CREB3L2: variants seen among roughly 807,000 people sequenced by gnomAD.
CREB3L2 encodes cyclic AMP-responsive element-binding protein 3-like protein 2.
In CREB3L2, 23 loss-of-function variants were observed where a neutral mutation model predicts 57.2. That is an observed-to-expected ratio of 0.40 (90% CI 0.29 to 0.57). The LOEUF (loss-of-function observed/expected upper bound fraction) is 0.57. CREB3L2 is among the 20% of genes least tolerant of loss of function. The pLI, the probability that CREB3L2 is intolerant of heterozygous loss-of-function variation, is 0.42. For synonymous variants in CREB3L2, 268 were observed against 265.1 expected (o/e 1.01, Z -0.11); for missense variants, 628 against 634.7 (o/e 0.99, Z 0.11).
chr7:137,971,851 T>G (rs1229444631), intron 1 of CREB3L2, among the ~76,000 whole-genome samples: 1 of 151,732 alleles, frequency 6.6e-6, no homozygotes, highest in Non-Finnish European at 1.5e-5. Flanking sequence ...ATACACTCAA[T>G]GAACAATACA....
intron 1 of CREB3L2, among the ~76,000 whole-genome samples, chr7:137,999,488 T>C (rs1802041908): frequency 6.6e-6 from 1 of 152,134 alleles, no homozygotes; most frequent in South Asian, 2.1e-4. Flanking sequence ...GTGCTTTATA[T>C]ATTCCACAAA....
chr7:137,967,229 G>A (rs1405715864), intron 1 of CREB3L2, among the ~76,000 whole-genome samples: 1 of 152,210 alleles, frequency 6.6e-6, no homozygotes, highest in Non-Finnish European at 1.5e-5. Flanking sequence ...AGAGCTGTAA[G>A]AAATAAACGT....
chr7:137,922,623 C>T, intron 2 of CREB3L2: 1 of 446,830 alleles, frequency 2.2e-6, no homozygotes, highest in Non-Finnish European at 4.5e-6. Flanking sequence ...GGTCCTTGAA[C>T]AACACGGGTT....
chr7:137,910,421 G>A (rs548638373), intron 4 of CREB3L2, among the ~76,000 whole-genome samples: 5 of 151,938 alleles, frequency 3.3e-5, no homozygotes, highest in South Asian at 2.1e-4. Flanking sequence ...AATCCTAATC[G>A]CGCTATTCCC....
At chr7:137,883,972 T>A (rs1372425507) in intron 10 of CREB3L2, among the ~76,000 whole-genome samples, 2 of 146,470 alleles carry the variant, frequency 1.4e-5, no homozygotes, top group African/African-American at 4.8e-5. Flanking sequence ...ATTCTCTAGA[T>A]CTTGGGCATA....
At chr7:137,922,473 C>CAA (rs1800348753) in intron 2 of CREB3L2, 1 of 145,250 alleles carries the variant, frequency 6.9e-6, no homozygotes, top group African/African-American at 3.7e-5. Context: ...TATATATACA[C>CAA]ACATATATAT....
chr7:137,906,277 C>A (rs965293951), intron 5 of CREB3L2, among the ~76,000 whole-genome samples: 2 of 152,164 alleles, frequency 1.3e-5, no homozygotes, highest in Non-Finnish European at 2.9e-5. Flanking sequence ...GTGCTCTCTA[C>A]ACAACAGGAG....
chr7:137,955,030 C>T (rs1056607814), intron 1 of CREB3L2, among the ~76,000 whole-genome samples: 3 of 152,140 alleles, frequency 2.0e-5, no homozygotes, highest in African/African-American at 7.2e-5. Context: ...CTGGACAGAG[C>T]CACTGGTAGA....
intron 2 of CREB3L2, among the ~76,000 whole-genome samples, chr7:137,920,988 C>T (rs1397372589): frequency 1.3e-5 from 2 of 152,136 alleles, no homozygotes; most frequent in Admixed American, 6.5e-5. Context: ...CAATGTTTCT[C>T]CATGTCCTTA....
chr7:137,922,591 T>G (rs1234932996), intron 2 of CREB3L2: 3 of 438,930 alleles, frequency 6.8e-6, no homozygotes, highest in Non-Finnish European at 1.4e-5. Flanking sequence ...ACCACTTACA[T>G]GAGAAAAACA....
At chr7:137,992,428 TGAGATAAA>T (rs1801915975) in intron 1 of CREB3L2, among the ~76,000 whole-genome samples, 1 of 152,098 alleles carries the variant, frequency 6.6e-6, no homozygotes, top group Non-Finnish European at 1.5e-5. Flanking sequence ...CAACATGCCC[TGAGATAAA>T]TGGGTGCAGC....
At chr7:137,933,868 G>T (rs1474372227) in intron 1 of CREB3L2, 1 of 152,244 alleles carries the variant, frequency 6.6e-6, no homozygotes, top group Non-Finnish European at 1.5e-5. Context: ...CTGGTGCCAG[G>T]ATCGGGCCAG....
chr7:137,885,506 C>T lies in CREB3L2; in HGVS notation c.1044-4G>A. 1.2e-6 allele frequency: 2 copies of T among 1,609,778 alleles called. No individual in the cohort carries two copies. The highest frequency in any genetic ancestry group is 1.7e-6 in the Non-Finnish European group (2 of 1,176,098). On this transcript the variant is annotated splice_polypyrimidine_tract_variant and splice_region_variant and intron_variant, in intron 8 of 11. Transcript: ENST00000330387. Reference sequence around the variant, plus strand: ...CTGGAGTTGCTGAAGGAGAGTCCTGCCAATGATAACAACAGCCGTGAGGGG... The same window carrying T: ...CTGGAGTTGCTGAAGGAGAGTCCTGTCAATGATAACAACAGCCGTGAGGGG...
chr7:137,976,453 T>C (rs1801609687), intron 1 of CREB3L2, among the ~76,000 whole-genome samples: 1 of 144,998 alleles, frequency 6.9e-6, no homozygotes, highest in African/African-American at 2.7e-5. Context: ...GAAGTGGTTA[T>C]GTTTGTTTTT....
intron 1 of CREB3L2, among the ~76,000 whole-genome samples, chr7:137,936,716 C>T (rs1009617174): frequency 2.4e-4 from 36 of 152,148 alleles, no homozygotes; most frequent in African/African-American, 6.0e-4. Flanking sequence ...TGTCTGCAGA[C>T]GGCAGGGGGA....
At chr7:137,898,981 A>C (rs943930137) in intron 8 of CREB3L2, among the ~76,000 whole-genome samples, 7 of 149,724 alleles carry the variant, frequency 4.7e-5, no homozygotes, top group African/African-American at 7.5e-5. Context: ...GGAAGGAAGG[A>C]AGGAAGGAGG....
At chr7:137,917,638 CACAGAAACTAAGA>C (rs751689017) in intron 2 of CREB3L2, among the ~76,000 whole-genome samples, 4 of 152,180 alleles carry the variant, frequency 2.6e-5, no homozygotes, top group African/African-American at 4.8e-5. Context: ...GAAGGGTAGA[CACAGAAACTAAGA>C]ACTAAAATCT....
rs199561057 is a variant in CREB3L2, at chr7:137,882,595, T to C, written c.1304A>G (p.His435Arg). ...RSRNLLIYEEHSPPEESSSPG... is the reference protein window; with the variant it reads ...RSRNLLIYEERSPPEESSSPG... ...GCTGGATGACTCCTCTGGGGGAGAA[T>C]GTTCCTCGTAGATCAGCAGGTTTCT... is the stretch of plus-strand genomic sequence containing the variant. Residue 435 changes from histidine to arginine, a missense_variant, in exon 11 of 12, where the codon CAT (histidine) becomes CGT (arginine). By Grantham distance (29) the His-to-Arg change is conservative (BLOSUM62 0). Transcript: ENST00000330387. 126 of 1,610,002 alleles carry C rather than the reference T, an allele frequency of 7.8e-5. No homozygotes were observed. Among genetic ancestry groups the C allele is most frequent in the Non-Finnish European group, 9.5e-5 (112 of 1,177,028 alleles).
intron 4 of CREB3L2, among the ~76,000 whole-genome samples, chr7:137,912,438 C>G (rs757870935): frequency 4.0e-5 from 6 of 151,252 alleles, no homozygotes; most frequent in Middle Eastern, 3.5e-3. Context: ...GGATGGATGT[C>G]AAGAAGCCCA....
Sources: allele counts gnomAD v4.1 joint callset (sites outside exome capture counted in the v4.1 genomes callset), GRCh38; gene constraint gnomAD v4.1.1; transcripts MANE v1.5; gene names NCBI Gene and HGNC (gene_info 2026-07-23, HGNC 2026-07-21).